SGCZ: variants seen among roughly 807,000 people sequenced by gnomAD.
SGCZ encodes the protein zeta-sarcoglycan.
SGCZ carries 40 observed loss-of-function variants against 41.3 expected under a neutral mutation model. The observed-to-expected ratio is 0.97, with a 90% CI of 0.75 to 1.26. The LOEUF is 1.26. Among genes scored for constraint, SGCZ ranks in the 50% most tolerant of loss-of-function variants. The pLI is 0.00. For missense variants in SGCZ, 552 were observed against 369.8 expected (o/e 1.49, Z -4.04); for synonymous variants, 206 against 137.5 (o/e 1.50, Z -3.49).
rs182484245 is a variant in SGCZ, at chr8:14,205,495, A to C, written c.424+32097T>G. ...TTTATTTTTGCAAAACCACAGTCTA[A>C]ACATTGCCGATGATGTCATCCACTG... On this transcript the variant is annotated intron_variant, in intron 4 of 7. Coordinates refer to ENST00000382080, the MANE Select transcript of SGCZ (RefSeq NM_139167.4). Among the ~76,000 whole-genome samples, 63 of 152,310 alleles carry C rather than the reference A, an allele frequency of 4.1e-4. 1 individual carries two copies. The Middle Eastern group carries it at 0.014, about 33-fold the overall frequency.
At chr8:14,361,380 T>C (rs1563279739) in intron 2 of SGCZ, among the ~76,000 whole-genome samples, 1 of 152,160 alleles carries the variant, frequency 6.6e-6, no homozygotes, top group Non-Finnish European at 1.5e-5. Flanking sequence ...TTTTGTTTCT[T>C]TTCACTCTTT....
intron 2 of SGCZ, among the ~76,000 whole-genome samples, chr8:14,495,708 C>T (rs1217549584): frequency 6.6e-5 from 10 of 152,162 alleles, no homozygotes; most frequent in Admixed American, 5.2e-4. Flanking sequence ...GTCAGAGGTT[C>T]TTCTTCCAAT....
intron 4 of SGCZ, among the ~76,000 whole-genome samples, chr8:14,167,955 C>T (rs1162715843): frequency 2.0e-5 from 3 of 152,078 alleles, no homozygotes; most frequent in Non-Finnish European, 4.4e-5. Context: ...TTCAAAGAGG[C>T]TCAAATATAT....
chr8:14,331,272 T>C (rs1296855837), intron 2 of SGCZ, among the ~76,000 whole-genome samples: 1 of 152,058 alleles, frequency 6.6e-6, no homozygotes, highest in East Asian at 1.9e-4. Context: ...TTGCTATTAA[T>C]TTTTAAATCT....
At chr8:14,346,336 G>C (rs1440746215) in intron 2 of SGCZ, among the ~76,000 whole-genome samples, 2 of 151,930 alleles carry the variant, frequency 1.3e-5, no homozygotes, top group African/African-American at 4.8e-5. Flanking sequence ...ATATACATTA[G>C]GAAACAAGGA....
At chr8:14,556,557 C>T (rs1804041323) in intron 1 of SGCZ, among the ~76,000 whole-genome samples, 1 of 151,876 alleles carries the variant, frequency 6.6e-6, no homozygotes, top group African/African-American at 2.4e-5. Flanking sequence ...CTATAATGAA[C>T]CCAATTTGTA....
chr8:14,366,170 G>T (rs1247319610), intron 2 of SGCZ, among the ~76,000 whole-genome samples: 1 of 151,990 alleles, frequency 6.6e-6, no homozygotes, highest in Non-Finnish European at 1.5e-5. Context: ...GTCATCTGGA[G>T]AACAGACTAA....
intron 7 of SGCZ, among the ~76,000 whole-genome samples, chr8:14,095,220 C>A (rs1341307992): frequency 1.3e-5 from 2 of 152,002 alleles, no homozygotes; most frequent in Non-Finnish European, 2.9e-5. Context: ...TCAAGAATGG[C>A]ATTGCCTAAG....
At chr8:14,937,588 T>G (rs1293391602) in intron 1 of SGCZ, among the ~76,000 whole-genome samples, 1 of 152,074 alleles carries the variant, frequency 6.6e-6, no homozygotes, top group Non-Finnish European at 1.5e-5. Context: ...AACTAACTCA[T>G]GAACATATAT....
chr8:14,170,160 A>T (rs1274896234), intron 4 of SGCZ, among the ~76,000 whole-genome samples: 3 of 151,646 alleles, frequency 2.0e-5, no homozygotes, highest in Non-Finnish European at 4.4e-5. Flanking sequence ...GAAATCTTCC[A>T]CTTTCAACAA....
chr8:14,804,954 C>T (rs1346564611), intron 1 of SGCZ, among the ~76,000 whole-genome samples: 2 of 73,318 alleles, frequency 2.7e-5, no homozygotes, highest in African/African-American at 1.1e-4. Context: ...AATTTTCAAC[C>T]CAGAATTTCA....
At chr8:14,193,959 G>A (rs1805186532) in intron 4 of SGCZ, among the ~76,000 whole-genome samples, 1 of 151,682 alleles carries the variant, frequency 6.6e-6, no homozygotes, top group African/African-American at 2.4e-5. Context: ...TGAAACTGGA[G>A]GGATAGCTAC....
At chr8:14,234,520 A>G (rs1041859360) in intron 4 of SGCZ, among the ~76,000 whole-genome samples, 1 of 152,094 alleles carries the variant, frequency 6.6e-6, no homozygotes, top group Non-Finnish European at 1.5e-5. Flanking sequence ...GATGCATTCT[A>G]TTGGTAGACA....
rs189549553 is a variant in SGCZ, at chr8:14,918,982, C to T, written c.39+318603G>A. Among the ~76,000 whole-genome samples, 421 of 152,292 alleles carry T rather than the reference C, an allele frequency of 2.8e-3. 2 individuals carry two copies. Among genetic ancestry groups the T allele is most frequent in the African/African-American group, 9.7e-3 (403 of 41,558 alleles). On this transcript the variant is annotated intron_variant, in intron 1 of 7. Transcript: ENST00000382080. ...AAGACTGGGGGGTTTCAAAACCTCT[C>T]CCAAGGTGCCAGCTCTGTGACCTTG...
At chr8:14,157,194 C>T (rs1049324512) in intron 5 of SGCZ, among the ~76,000 whole-genome samples, 1 of 151,380 alleles carries the variant, frequency 6.6e-6, no homozygotes, top group African/African-American at 2.4e-5. Context: ...TTATCTCCAT[C>T]ATAACCTCCT....
chr8:14,161,317 T>G (rs543998867), intron 5 of SGCZ: 5 of 152,326 alleles, frequency 3.3e-5, no homozygotes, highest in African/African-American at 1.2e-4. Context: ...CGGGAAAGCA[T>G]GAAGCTGTTA....
intron 2 of SGCZ, among the ~76,000 whole-genome samples, chr8:14,381,143 A>G (rs1426313301): frequency 1.3e-5 from 2 of 152,224 alleles, no homozygotes; most frequent in Non-Finnish European, 2.9e-5. Flanking sequence ...CAGCCTAAAG[A>G]TACAAAGGAT....
chr8:14,956,588 A>C (rs966015904), intron 1 of SGCZ, among the ~76,000 whole-genome samples: 35 of 152,218 alleles, frequency 2.3e-4, no homozygotes, highest in African/African-American at 8.2e-4. Flanking sequence ...ACAAAAACAC[A>C]AAGTAACACA....
chr8:14,975,999 T>C (rs1187504017), intron 1 of SGCZ, among the ~76,000 whole-genome samples: 139 of 100,948 alleles, frequency 1.4e-3, no homozygotes, highest in Middle Eastern at 5.5e-3. Context: ...TATATATATA[T>C]ACATATATAT....
Sources: gnomAD v4.1 joint callset for allele counts (sites outside exome capture counted in the v4.1 genomes callset) on GRCh38, gnomAD v4.1.1 for gene constraint, MANE v1.5 for transcripts, NCBI Gene and HGNC (gene_info 2026-07-23, HGNC 2026-07-21) for gene names.